NUP58: variants seen among roughly 807,000 people sequenced by gnomAD.
NUP58 encodes nucleoporin 58, also known as nucleoporin p58/p45.
NUP58 carries 17 observed loss-of-function variants against 70.1 expected under a neutral mutation model. That is an observed-to-expected ratio of 0.24 (90% CI 0.17 to 0.36). The LOEUF (loss-of-function observed/expected upper bound fraction) is 0.36. Among genes scored for constraint, NUP58 ranks in the 10% least tolerant of loss-of-function variants. NUP58 has a pLI of 1.00. For synonymous variants in NUP58, 275 were observed against 257.6 expected (o/e 1.07, Z -0.65); for missense variants, 644 against 701.5 (o/e 0.92, Z 0.93).
chr13:25,348,585 TTTAAAG>T (rs2032075277), intron 3 of NUP58, among the ~76,000 whole-genome samples: 1 of 152,192 alleles, frequency 6.6e-6, no homozygotes, highest in Admixed American at 6.5e-5. Flanking sequence ...TAGTATAAAA[TTTAAAG>T]TTATATATGT....
At chr13:25,331,966 C>A in intron 13 of NUP58, 11 of 1,034,280 alleles carry the variant, frequency 1.1e-5, no homozygotes, top group Non-Finnish European at 1.3e-5. Context: ...GTGGTGCATT[C>A]TCATTTTCCT....
At chr13:25,313,193 T>C (rs2030761017) in intron 4 of NUP58, among the ~76,000 whole-genome samples, 161 bp downstream of exon 4, 1 of 152,234 alleles carries the variant, frequency 6.6e-6, no homozygotes, top group African/African-American at 2.4e-5. Context: ...TGTCCCTATT[T>C]AGAGAGCAAA....
intron 10 of NUP58, 87 bp from the exon 11 acceptor site, chr13:25,326,827 ATT>A: frequency 1.5e-6 from 1 of 672,938 alleles, no homozygotes; most frequent in Admixed American, 2.7e-5. Context: ...TTTGAAGACT[ATT>A]AAATGATTGC....
At chr13:25,307,729 T>G in intron 1 of NUP58, 77 bp from the exon 2 acceptor site, 1 of 1,386,270 alleles carries the variant, frequency 7.2e-7, no homozygotes, top group East Asian at 2.3e-5. Context: ...TTTTTATTTT[T>G]CTTAAGTAAA....
intron 1 of NUP58, among the ~76,000 whole-genome samples, 168 bp downstream of exon 1, chr13:25,302,048 C>G (rs2030039286): frequency 6.6e-6 from 1 of 152,344 alleles, no homozygotes; most frequent in African/African-American, 2.4e-5. Flanking sequence ...CGCCGCGGTA[C>G]CCGGGCCCAG....
chr13:25,332,178 T>C, intron 13 of NUP58: 1 of 986,012 alleles, frequency 1.0e-6, no homozygotes. Flanking sequence ...AGGAAAAAGA[T>C]GTTTTGAGAT....
chr13:25,334,048 T>C, intron 13 of NUP58: 7 of 985,392 alleles, frequency 7.1e-6, no homozygotes, highest in Non-Finnish European at 7.2e-6. Context: ...TCAATTTTTT[T>C]TTTAATGAAA....
In NUP58 at chr13:25,337,140, A is replaced by G. The variant is rs755914657; in HGVS notation, c.1534+106A>G. The G allele has an allele frequency of 2.3e-4, 138 of 605,000 alleles. 1 individual carries two copies. The highest frequency in any genetic ancestry group is 4.0e-4 in the South Asian group (11 of 27,436). The allele number at this position is 605,000 out of a possible 1,614,324, so 37.5% of individuals were successfully genotyped here. On this transcript the variant is annotated intron_variant, in intron 14 of 15. Transcript: ENST00000381736. ...AGAATCTCCTGCTATTTTGGAAGTT[A>G]AGGTTCCATCTGGCAAAAATGATTC...
At chr13:25,301,914 T>C in intron 1 of NUP58, 34 bp downstream of exon 1, 1 of 1,418,036 alleles carries the variant, frequency 7.1e-7, no homozygotes. Flanking sequence ...TGGGCCGGAT[T>C]CACCCCCACC....
intron 12 of NUP58, among the ~76,000 whole-genome samples, chr13:25,330,371 G>T (rs1382418111): frequency 6.6e-6 from 1 of 152,094 alleles, no homozygotes; most frequent in Admixed American, 6.6e-5. Flanking sequence ...ATGTAGCAAA[G>T]TTTGGAATTG....
chr13:25,327,067 C>G, intron 11 of NUP58, 33 bp downstream of exon 11: 1 of 1,288,466 alleles, frequency 7.8e-7, no homozygotes, highest in African/African-American at 1.5e-5. Flanking sequence ...TTTTTTTGAA[C>G]TTTTGTTTGT....
At chr13:25,348,388 A>ATATAT (rs60944736) in intron 3 of NUP58, among the ~76,000 whole-genome samples, 3,783 of 152,306 alleles carry the variant, frequency 0.025, 147 homozygotes, top group African/African-American at 0.085. Context: ...ACATGTTGAA[A>ATATAT]TAAGTATATT....
At chr13:25,326,172 G>A (rs1038622431) in intron 10 of NUP58, among the ~76,000 whole-genome samples, 2 of 152,126 alleles carry the variant, frequency 1.3e-5, no homozygotes, top group African/African-American at 4.8e-5. Context: ...GTCTTACTCA[G>A]GTTGGCATGA....
At chr13:25,327,332 C>A in intron 11 of NUP58, 98 bp from the exon 12 acceptor site, 1 of 710,742 alleles carries the variant, frequency 1.4e-6, no homozygotes, top group Non-Finnish European at 2.3e-6. Context: ...TTCTCCTACA[C>A]GTTAACTGTG....
At position 25,301,626 on chromosome 13, in the gene NUP58, G is replaced by C; in HGVS notation, c.-148G>C. ...TTTGCGTGGTTGCTCCACCCCCTCA[G>C]CCTTGCCTTCGCCGCCGTTGGGGCT... is the stretch of plus-strand genomic sequence containing the variant. On this transcript the variant is annotated 5_prime_UTR_variant, in exon 1 of 16. Coordinates refer to ENST00000381736, the MANE Select transcript of NUP58 (RefSeq NM_014089.4). 1 of 448,794 alleles carries C rather than the reference G, an allele frequency of 2.2e-6. No individual in the cohort carries two copies. The highest frequency in any genetic ancestry group is 4.3e-5 in the South Asian group (1 of 23,080). The allele number at this position is 448,794 out of a possible 1,614,324, so 27.8% of individuals were successfully genotyped here.
chr13:25,327,136 G>A (rs2031426458), intron 11 of NUP58, 102 bp downstream of exon 11: 1 of 655,166 alleles, frequency 1.5e-6, no homozygotes, highest in Admixed American at 2.7e-5. Flanking sequence ...GCCCCTTTAA[G>A]AAAATTTCCT....
rs542454725 is a variant in NUP58, at chr13:25,337,215, A to T, written c.1534+181A>T. Among the ~76,000 whole-genome samples, 5 of 152,340 alleles carry T rather than the reference A, an allele frequency of 3.3e-5. No individual in the cohort carries two copies. The East Asian group carries it at 9.6e-4, about 29-fold the overall frequency. Reference sequence around the variant, plus strand: ...TATTAGATTTAGAACTTAAAGAATCATTCCATCTTCTGTGAACAGCAAATA... The same window carrying T: ...TATTAGATTTAGAACTTAAAGAATCTTTCCATCTTCTGTGAACAGCAAATA... On this transcript the variant is annotated intron_variant, in intron 14 of 15. Coordinates refer to ENST00000381736, the MANE Select transcript of NUP58 (RefSeq NM_014089.4).
intron 13 of NUP58, chr13:25,332,467 A>G: frequency 2.0e-6 from 2 of 983,964 alleles, no homozygotes; most frequent in African/African-American, 3.5e-5. Flanking sequence ...TTTCTTAGTA[A>G]TGCTTACTAT....
intron 3 of NUP58, among the ~76,000 whole-genome samples, chr13:25,312,088 TAAG>T (rs1025969379): frequency 1.3e-5 from 2 of 151,532 alleles, no homozygotes; most frequent in African/African-American, 4.9e-5. Flanking sequence ...ATTGGGGAAG[TAAG>T]GAGGTAGGAA....
Sources: allele counts gnomAD v4.1 joint callset (sites outside exome capture counted in the v4.1 genomes callset), GRCh38; gene constraint gnomAD v4.1.1; transcripts MANE v1.5; gene names NCBI Gene and HGNC (gene_info 2026-07-23, HGNC 2026-07-21).